The following COMMD10 variants were observed in gnomAD, a reference collection of about 807,000 sequenced individuals.
COMMD10 encodes COMM domain-containing protein 10.
Under a neutral mutation model 28.9 loss-of-function variants are expected in COMMD10, and 33 were observed. The observed-to-expected ratio is 1.14, with a 90% confidence interval of 0.87 to 1.53. The LOEUF (loss-of-function observed/expected upper bound fraction) is 1.53, where lower values mean the gene tolerates loss of function less well. Among genes scored for constraint, COMMD10 ranks in the 40% most tolerant of loss-of-function variants. The probability of loss-of-function intolerance (pLI) is 0.00; values close to 1 mark genes in which losing one functional copy is unlikely to be tolerated. For missense variants in COMMD10, 310 were observed against 233.4 expected, an observed-to-expected ratio of 1.33 and a Z score of -2.14; for synonymous variants, 110 against 81.7, an observed-to-expected ratio of 1.35 and a Z score of -1.87.
intron 5 of COMMD10, among the ~76,000 whole-genome samples, chr5:116,167,008 T>C (rs1202116335): frequency 2.0e-5 from 3 of 151,996 alleles, no homozygotes; most frequent in African/African-American, 7.2e-5. Flanking sequence ...GTTTGACGAA[T>C]TGACAGAAGT....
chr5:116,232,750 A>G (rs1251825465), intron 5 of COMMD10, among the ~76,000 whole-genome samples: 2 of 152,172 alleles, frequency 1.3e-5, no homozygotes, highest in African/African-American at 2.4e-5. Context: ...AAAATGTTAT[A>G]AAATTTGACG....
At chr5:116,160,056 G>T (rs904648577) in intron 5 of COMMD10, among the ~76,000 whole-genome samples, 2 of 152,126 alleles carry the variant, frequency 1.3e-5, no homozygotes, top group African/African-American at 4.8e-5. Context: ...ACTTATAAAT[G>T]GTAGTGAATT....
chr5:116,139,390 A>G (rs1018818232), intron 5 of COMMD10, among the ~76,000 whole-genome samples: 1 of 133,412 alleles, frequency 7.5e-6, no homozygotes, highest in African/African-American at 2.8e-5. Context: ...GATGTGAGCA[A>G]ATAACTGCAT....
chr5:116,263,126 C>G (rs1187928246), intron 5 of COMMD10, among the ~76,000 whole-genome samples: 1 of 151,766 alleles, frequency 6.6e-6, no homozygotes, highest in Admixed American at 6.6e-5. Context: ...GCCGTTTTTA[C>G]TTACACATAT....
chr5:116,180,438 G>A (rs10076543), intron 5 of COMMD10, among the ~76,000 whole-genome samples: 47,945 of 151,878 alleles, frequency 0.32, 10,517 homozygotes, highest in African/African-American at 0.63. Context: ...AGAGAAGTGG[G>A]TATTTTTTCT....
intron 5 of COMMD10, among the ~76,000 whole-genome samples, chr5:116,290,379 T>TGAGA (rs1554062274): frequency 1.3e-5 from 2 of 151,036 alleles, no homozygotes; most frequent in Non-Finnish European, 2.9e-5. Flanking sequence ...GCTTAAGTAC[T>TGAGA]TAGATATATG....
chr5:116,089,808 G>C (rs149504421), intron 2 of COMMD10, among the ~76,000 whole-genome samples: 1 of 152,158 alleles, frequency 6.6e-6, no homozygotes, highest in Non-Finnish European at 1.5e-5. Flanking sequence ...CTAAGAAGAC[G>C]TCAGGAAAGG....
At chr5:116,277,451 T>C (rs17414107) in intron 5 of COMMD10, among the ~76,000 whole-genome samples, 13,789 of 151,946 alleles carry the variant, frequency 0.091, 827 homozygotes, top group Non-Finnish European at 0.14. Flanking sequence ...AATTTTCTTC[T>C]GGATAGTTAC....
intron 5 of COMMD10, among the ~76,000 whole-genome samples, chr5:116,279,042 C>A (rs1433153471): frequency 6.6e-6 from 1 of 151,838 alleles, no homozygotes; most frequent in East Asian, 1.9e-4. Flanking sequence ...AAAGATCTAG[C>A]TAAATGAAAT....
intron 5 of COMMD10, among the ~76,000 whole-genome samples, chr5:116,214,581 G>T (rs1749051647): frequency 6.6e-6 from 1 of 152,164 alleles, no homozygotes. Flanking sequence ...TTTCTTCAAG[G>T]TGTTCTATGT....
intron 5 of COMMD10, among the ~76,000 whole-genome samples, chr5:116,265,214 C>G (rs1233531649): frequency 6.6e-6 from 1 of 151,742 alleles, no homozygotes; most frequent in South Asian, 2.1e-4. Context: ...TCTCCACATG[C>G]TCTTTCTGCT....
intron 5 of COMMD10, among the ~76,000 whole-genome samples, chr5:116,209,904 C>T (rs749356491): frequency 6.6e-6 from 1 of 152,038 alleles, no homozygotes; most frequent in Non-Finnish European, 1.5e-5. Flanking sequence ...AATAATAATA[C>T]TACACACTGG....
At chr5:116,281,080 G>T (rs1396846799) in intron 5 of COMMD10, among the ~76,000 whole-genome samples, 1 of 151,652 alleles carries the variant, frequency 6.6e-6, no homozygotes, top group Non-Finnish European at 1.5e-5. Context: ...TTCTAATTCT[G>T]ATATCCAATT....
intron 5 of COMMD10, among the ~76,000 whole-genome samples, chr5:116,207,633 C>A (rs539788179): frequency 6.6e-6 from 1 of 152,184 alleles, no homozygotes; most frequent in South Asian, 2.1e-4. Flanking sequence ...TCAAGCGATT[C>A]TTATGCCTCA....
chr5:116,216,704 T>C (rs1340787581), intron 5 of COMMD10, among the ~76,000 whole-genome samples: 4 of 152,080 alleles, frequency 2.6e-5, no homozygotes, highest in African/African-American at 9.7e-5. Flanking sequence ...CAGCTTATTT[T>C]TGCATTTTTA....
intron 5 of COMMD10, among the ~76,000 whole-genome samples, chr5:116,211,813 T>C (rs1340738970): frequency 1.3e-5 from 2 of 152,130 alleles, no homozygotes. Context: ...GGCAGTCAAC[T>C]GTTCATGAAA....
chr5:116,246,690 C>G (rs1749959649), intron 5 of COMMD10, among the ~76,000 whole-genome samples: 2 of 152,056 alleles, frequency 1.3e-5, no homozygotes, highest in African/African-American at 4.8e-5. Context: ...GGCCATATAC[C>G]TACAACTATC....
chr5:116,173,722 G>A (rs10073199), intron 5 of COMMD10, among the ~76,000 whole-genome samples: 47,151 of 151,862 alleles, frequency 0.31, 10,220 homozygotes, highest in African/African-American at 0.62. Flanking sequence ...CTCTAGATGC[G>A]TTGTAGAGAT....
chr5:116,100,095 G>C (rs765057244), intron 4 of COMMD10, among the ~76,000 whole-genome samples: 18 of 152,052 alleles, frequency 1.2e-4, no homozygotes, highest in Non-Finnish European at 2.4e-4. Context: ...ACAAAGTTTT[G>C]ACTGTGACCT....
Sources: allele counts gnomAD v4.1 joint callset (sites outside exome capture counted in the v4.1 genomes callset), GRCh38; gene constraint gnomAD v4.1.1; transcripts MANE v1.5; gene names NCBI Gene and HGNC (gene_info 2026-07-23, HGNC 2026-07-21).